The following KIF14 variants were observed in gnomAD, a reference collection of about 807,000 sequenced individuals.
KIF14 encodes the protein kinesin family member 14, also known as kinesin-like protein KIF14.
Under a neutral mutation model 176.2 loss-of-function variants are expected in KIF14, and 98 were observed. The observed-to-expected ratio is 0.56, with a 90% CI of 0.47 to 0.66. The LOEUF is 0.66. Ranked by LOEUF, KIF14 falls within the 30% of genes least tolerant of loss-of-function variation. The pLI is 0.00. For synonymous variants in KIF14, 566 were observed against 632.2 expected (o/e 0.90, Z 1.57); for missense variants, 1,751 against 1,920.4 (o/e 0.91, Z 1.65).
rs1656582189 is a variant in KIF14 at position 200,552,393 on chromosome 1, T to C, written c.*995A>G. 6.6e-6 allele frequency: 1 copy of C among 152,084 alleles called. No individual in the cohort carries two copies. Among genetic ancestry groups the C allele is most frequent in the African/African-American group, 2.4e-5 (1 of 41,424 alleles). 9.4% of individuals were successfully genotyped at this position (152,084 alleles called of 1,614,324 possible). On this transcript the variant is annotated 3_prime_UTR_variant, in exon 30 of 30. Transcript: ENST00000367350. ...GGTCTTTAATCTTCATCAAATCATATACAAATTATTTCATTATACCTTTAA... is the reference window on the plus strand; with the variant it reads ...GGTCTTTAATCTTCATCAAATCATACACAAATTATTTCATTATACCTTTAA...
intron 4 of KIF14, among the ~76,000 whole-genome samples, chr1:200,612,117 C>T (rs1660185944): frequency 6.6e-6 from 1 of 152,064 alleles, no homozygotes; most frequent in African/African-American, 2.4e-5. Context: ...ATTCTCCTAC[C>T]TCAGCCTCCC....
At chr1:200,585,687 T>C (rs895731305) in intron 19 of KIF14, among the ~76,000 whole-genome samples, 7 of 152,132 alleles carry the variant, frequency 4.6e-5, no homozygotes, top group Non-Finnish European at 8.8e-5. Context: ...CTGTTCTGGG[T>C]TGCAGACTAC....
At chr1:200,609,415 G>A (rs1294061399) in intron 4 of KIF14, among the ~76,000 whole-genome samples, 4 of 152,308 alleles carry the variant, frequency 2.6e-5, no homozygotes, top group African/African-American at 4.8e-5. Flanking sequence ...TTGGGAGGCC[G>A]AGGTGGGAGG....
intron 2 of KIF14, among the ~76,000 whole-genome samples, chr1:200,617,062 G>T (rs148678866): frequency 8.9e-4 from 135 of 152,192 alleles, no homozygotes; most frequent in African/African-American, 2.9e-3. Flanking sequence ...CTGCCTCCCG[G>T]GTTCAAGTGA....
At chr1:200,604,009 A>G (rs1327838845) in intron 8 of KIF14, 54 bp from the exon 9 acceptor site, 4 of 1,077,602 alleles carry the variant, frequency 3.7e-6, no homozygotes, top group Non-Finnish European at 2.9e-6. Context: ...CAATCAATAT[A>G]GGTTTTTTTA....
chr1:200,554,065 T>C (rs899211536), intron 29 of KIF14, among the ~76,000 whole-genome samples: 5 of 152,096 alleles, frequency 3.3e-5, no homozygotes, highest in African/African-American at 1.2e-4. Context: ...CTTCAGTTAA[T>C]GACTAAAATA....
In KIF14 at chr1:200,617,577, C is replaced by A. The variant is rs1660462329; in HGVS notation, c.1112+35G>T. On this transcript the variant is annotated intron_variant, in intron 2 of 29. Coordinates refer to ENST00000367350, the MANE Select transcript of KIF14 (RefSeq NM_014875.3). ...GGAATTAAAGGTACCTTACATGTAACTGCTTGGCTTTAGATTTTAAAAGGC... is the reference window on the plus strand; with the variant it reads ...GGAATTAAAGGTACCTTACATGTAAATGCTTGGCTTTAGATTTTAAAAGGC... 1.9e-6 allele frequency: 3 copies of A among 1,558,086 alleles called. No homozygotes were observed. In the South Asian group the frequency reaches 3.7e-5, roughly 19 times the overall value.
In KIF14 at chr1:200,618,739, T is replaced by G. The variant is rs372672135; in HGVS notation, c.-16A>C. 3 of 1,570,300 alleles carry G rather than the reference T, an allele frequency of 1.9e-6. No individual in the cohort carries two copies. Among genetic ancestry groups the G allele is most frequent in the African/African-American group, 2.7e-5 (2 of 73,774 alleles). On this transcript the variant is annotated 5_prime_UTR_variant, in exon 2 of 30. Coordinates refer to ENST00000367350, the MANE Select transcript of KIF14 (RefSeq NM_014875.3). ...GTAATGACATTTTGGCAGACAGTTA[T>G]TTTAAAAAAGAATGTTACTAAGACC...
At chr1:200,561,002 G>GATCCACCCGCCTC in intron 25 of KIF14, 122 bp from the exon 26 acceptor site, 2 of 800,772 alleles carry the variant, frequency 2.5e-6, no homozygotes, top group Non-Finnish European at 4.0e-6. Context: ...AGGCCGAGGC[G>GATCCACCCGCCTC]GGTGGATCGC....
intron 29 of KIF14, 80 bp from the exon 30 acceptor site, chr1:200,553,847 T>TAAA: frequency 7.4e-7 from 1 of 1,358,682 alleles, no homozygotes; most frequent in South Asian, 1.5e-5. Flanking sequence ...AGACTCTAGA[T>TAAA]ATCTTTTAAG....
chr1:200,561,229 TAAA>T (rs10643609), intron 25 of KIF14, among the ~76,000 whole-genome samples: 3 of 128,080 alleles, frequency 2.3e-5, no homozygotes, highest in African/African-American at 3.0e-5. Flanking sequence ...GACTCCATCT[TAAA>T]AAAAAAAAAA....
rs752400899 is a variant in KIF14, at chr1:200,600,058, C to T, written c.2356G>A (p.Glu786Lys). 2.9e-5 allele frequency: 45 copies of T among 1,575,344 alleles called. No individual in the cohort carries two copies. The highest frequency in any genetic ancestry group is 3.7e-5 in the Non-Finnish European group (43 of 1,148,786). ...GAAAGTTGAAATAATACCTGTAACT[C>T]TTTTGTTTCTTGAAGTTTTCTTTTT... Reference protein sequence around the residue: ...AEKRKLQETKELQKAGIMFQM... With the variant: ...AEKRKLQETKKLQKAGIMFQM... The change falls in exon 13 of 30, where the codon GAG becomes AAG. Residue 786 changes from glutamate to lysine, a missense_variant. Coordinates refer to ENST00000367350, the MANE Select transcript of KIF14 (RefSeq NM_014875.3).
At position 200,577,155 on chromosome 1, in the gene KIF14, C is replaced by CA. The variant is rs35218358; in HGVS notation, c.3466-1465dup. ...TAAAATCCCGACTCTACTAAAAATA[C>CA]AAAAAAAAAAAAAAAAAAATTAGCT... On this transcript the variant is annotated intron_variant, in intron 21 of 29. Coordinates refer to ENST00000367350, the MANE Select transcript of KIF14 (RefSeq NM_014875.3). 4.6e-3 allele frequency among the ~76,000 whole-genome samples: 627 copies of CA among 137,650 alleles called. 13 individuals are homozygous for CA. The highest frequency in any genetic ancestry group is 9.8e-3 in the East Asian group (44 of 4,498). 90.3% of individuals were successfully genotyped at this position (137,650 alleles called of 152,430 possible). A position where few individuals can be genotyped will look rare whatever the true frequency, so the allele number is the denominator to read the frequency against.
intron 11 of KIF14, among the ~76,000 whole-genome samples, chr1:200,601,440 G>C (rs1659618801): frequency 6.6e-6 from 1 of 152,154 alleles, no homozygotes; most frequent in African/African-American, 2.4e-5. Flanking sequence ...TGATTACCTA[G>C]AGATAAATAG....
chr1:200,564,402 A>G (rs1328913672), intron 25 of KIF14, among the ~76,000 whole-genome samples: 1 of 152,032 alleles, frequency 6.6e-6, no homozygotes, highest in African/African-American at 2.4e-5. Context: ...GATGGGACCA[A>G]TGGGAGGAGC....
In KIF14 at chr1:200,608,924, C is replaced by T. The variant is rs1183242268; in HGVS notation, c.1460G>A (p.Ser487Asn). 6.4e-7 allele frequency: 1 copy of T among 1,568,568 alleles called. No individual in the cohort carries two copies. The highest frequency in any genetic ancestry group is 2.2e-5 in the East Asian group (1 of 44,528). ...AAAGAAGCTCATTTCAATGTGATAG[C>T]TGACCTAGTAGGAATAGAAACACAG... ...QVARKQTQEVSYHIEMSFFEV... is the reference protein window; with the variant it reads ...QVARKQTQEVNYHIEMSFFEV... Residue 487 changes from serine (S) to asparagine (N), a missense_variant, in exon 5 of 30, where the codon AGC becomes AAC. Physicochemically the swap from Ser to Asn is conservative, Grantham distance 46. Transcript: ENST00000367350.
chr1:200,597,535 G>A (rs1659414379), intron 14 of KIF14, among the ~76,000 whole-genome samples: 1 of 152,148 alleles, frequency 6.6e-6, no homozygotes, highest in Non-Finnish European at 1.5e-5. Context: ...TCATCAGATT[G>A]GCATAAAGTC....
intron 10 of KIF14, among the ~76,000 whole-genome samples, 178 bp from the exon 11 acceptor site, chr1:200,602,246 C>A (rs769752499): frequency 6.6e-6 from 1 of 152,142 alleles, no homozygotes; most frequent in Non-Finnish European, 1.5e-5. Context: ...AACACTTTTT[C>A]TCTCTTACAC....
intron 21 of KIF14, among the ~76,000 whole-genome samples, chr1:200,576,477 C>CAAAAAAAA (rs34294441): frequency 0.026 from 2,242 of 87,250 alleles, 27 homozygotes; most frequent in Non-Finnish European, 0.042. Flanking sequence ...GACTCCGTCT[C>CAAAAAAAA]AAAAAAAAAA....
Sources: allele counts gnomAD v4.1 joint callset (sites outside exome capture counted in the v4.1 genomes callset), GRCh38; gene constraint gnomAD v4.1.1; transcripts MANE v1.5; gene names NCBI Gene and HGNC (gene_info 2026-07-23, HGNC 2026-07-21).